The following CDK12 variants were observed in gnomAD, a reference collection of about 807,000 sequenced individuals.
CDK12 encodes cyclin-dependent kinase 12.
Under a neutral mutation model 133.8 loss-of-function variants are expected in CDK12, and 17 were observed. The observed-to-expected ratio is 0.13, with a 90% CI of 0.09 to 0.19. CDK12 has a LOEUF of 0.19. Among genes scored for constraint, CDK12 ranks in the 10% least tolerant of loss-of-function variants. The probability of loss-of-function intolerance (pLI) is 1.00; values close to 1 mark genes in which losing one functional copy is unlikely to be tolerated. For missense variants in CDK12, 1,508 were observed against 1,818.7 expected, an observed-to-expected ratio of 0.83 and a Z score of 3.11; for synonymous variants, 694 against 683.6, an observed-to-expected ratio of 1.02 and a Z score of -0.24.
intron 3 of CDK12, among the ~76,000 whole-genome samples, chr17:39,492,430 G>A (rs1598032609): frequency 1.6e-5 from 2 of 125,556 alleles, no homozygotes; most frequent in African/African-American, 3.0e-5. Context: ...CTTTTTGAGA[G>A]GGTGTCTTGC....
intron 2 of CDK12, among the ~76,000 whole-genome samples, chr17:39,553,888 C>T (rs1326388670): frequency 6.6e-6 from 1 of 152,140 alleles, no homozygotes; most frequent in East Asian, 1.9e-4. Flanking sequence ...ACTCTGAGCT[C>T]TGTGAATGAA....
At chr17:39,508,200 G>A (rs994694036) in intron 6 of CDK12, among the ~76,000 whole-genome samples, 2 of 152,070 alleles carry the variant, frequency 1.3e-5, no homozygotes, top group African/African-American at 4.8e-5. Context: ...TGCTTCAGAC[G>A]GCGGGGGGAG....
chr17:39,525,605 A>G (rs1186844410), intron 12 of CDK12, among the ~76,000 whole-genome samples: 1 of 152,222 alleles, frequency 6.6e-6, no homozygotes, highest in Non-Finnish European at 1.5e-5. Flanking sequence ...TGAAAATCAC[A>G]GAACTTGAAA....
In CDK12 at chr17:39,461,874, C is replaced by T. The variant is rs1267902018; in HGVS notation, c.-198C>T. ...CGAGGAACTCTCATTTCTTCCCTCG[C>T]TCCTTCACCCCCCACCTCATGTAGA... is the stretch of plus-strand genomic sequence containing the variant. On this transcript the variant is annotated 5_prime_UTR_variant, in exon 1 of 14. Transcript: ENST00000447079. 8.4e-6 allele frequency: 5 copies of T among 592,410 alleles called. No individual in the cohort carries two copies. Among genetic ancestry groups the T allele is most frequent in the South Asian group, 2.1e-5 (1 of 47,374 alleles). 36.7% of individuals were successfully genotyped at this position (592,410 alleles called of 1,614,324 possible). A position where few individuals can be genotyped will look rare whatever the true frequency, so the allele number is the denominator to read the frequency against.
In CDK12 at chr17:39,475,115, A is replaced by G. The variant is rs1444224765; in HGVS notation, c.1931+3352A>G. On this transcript the variant is annotated intron_variant, in intron 2 of 13. Coordinates refer to ENST00000447079, the MANE Select transcript of CDK12 (RefSeq NM_016507.4). ...CTTCCAAAGTGCTGGGATTACAGGC[A>G]TGAGCCACTGCACCCAACCCAAAAT... is the stretch of plus-strand genomic sequence containing the variant. 3.3e-5 allele frequency among the ~76,000 whole-genome samples: 5 copies of G among 152,168 alleles called. No homozygotes were observed. The East Asian group carries it at 5.8e-4, about 18-fold the overall frequency.
chr17:39,468,125 A>G (rs1385170632), intron 1 of CDK12, among the ~76,000 whole-genome samples: 5 of 151,674 alleles, frequency 3.3e-5, no homozygotes, highest in Admixed American at 2.0e-4. Flanking sequence ...CAAACTCTTG[A>G]TCAGGGTGAT....
At position 39,532,867 on chromosome 17, in the gene CDK12, A is replaced by T; in HGVS notation, c.*1551A>T. The T allele has an allele frequency of 4.3e-6, 1 of 233,016 alleles. No individual in the cohort carries two copies. Among genetic ancestry groups the T allele is most frequent in the Non-Finnish European group, 8.5e-6 (1 of 117,820 alleles). The allele number at this position is 233,016 out of a possible 1,614,324, so 14.4% of individuals were successfully genotyped here. A position where few individuals can be genotyped will look rare whatever the true frequency, so the allele number is the denominator to read the frequency against. On this transcript the variant is annotated 3_prime_UTR_variant, in exon 14 of 14. Transcript: ENST00000447079. Reference sequence around the variant, plus strand: ...TTTCTATGTGAGTACCAGCATATAGAGTGTTTTAAAAACAGATACATGTCA... The same window carrying T: ...TTTCTATGTGAGTACCAGCATATAGTGTGTTTTAAAAACAGATACATGTCA...
At chr17:39,521,101 T>G (rs993337118) in intron 11 of CDK12, among the ~76,000 whole-genome samples, 1 of 152,126 alleles carries the variant, frequency 6.6e-6, no homozygotes, top group Non-Finnish European at 1.5e-5. Flanking sequence ...CACCTCGGCC[T>G]CCCAAAGTGC....
In CDK12 at chr17:39,463,160, T is replaced by G. The variant is rs753018017; in HGVS notation, c.1046+43T>G. ...CAGTCCTTCCTCATTTAGGGTGGGT[T>G]GCGAGGAATTGGCATTCAGCGTGTT... On this transcript the variant is annotated intron_variant, in intron 1 of 13. Coordinates refer to ENST00000447079, the MANE Select transcript of CDK12 (RefSeq NM_016507.4). 5.8e-6 allele frequency: 9 copies of G among 1,540,384 alleles called. 1 individual carries two copies. The South Asian group carries it at 9.3e-5, about 16-fold the overall frequency.
rs2054985075 is a variant in CDK12 at position 39,533,498 on chromosome 17, A to G, written c.*2182A>G. 1 of 233,148 alleles carries G rather than the reference A, an allele frequency of 4.3e-6. No homozygotes were observed. Among genetic ancestry groups the G allele is most frequent in the African/African-American group, 2.2e-5 (1 of 45,358 alleles). 14.4% of individuals were successfully genotyped at this position (233,148 alleles called of 1,614,324 possible). ...TTTCAGAAGTATCTGTTCAATGAAAAAAAGTTGGTTTCCCATCAAATATGA... is the reference window on the plus strand; with the variant it reads ...TTTCAGAAGTATCTGTTCAATGAAAGAAAGTTGGTTTCCCATCAAATATGA... On this transcript the variant is annotated 3_prime_UTR_variant, in exon 14 of 14. Transcript: ENST00000447079.
Position 39,525,951 on chromosome 17 carries a change from C to T in CDK12, c.3395C>T (p.Pro1132Leu). 6.2e-7 allele frequency: 1 copy of T among 1,614,178 alleles called. No individual in the cohort carries two copies. The highest frequency in any genetic ancestry group is 8.5e-7 in the Non-Finnish European group (1 of 1,180,024). ...CAGAGCCAAACCGACCTGAGCATCC[C>T]TCAAATGGCACAGCTGCTTAACATC... ...LLQSQTDLSI[P>L]QMAQLLNIHS... Residue 1132 changes from proline (P) to leucine (L), a missense_variant, in exon 13 of 14, where the codon CCT becomes CTT. By Grantham distance (98) the Pro-to-Leu change is moderately conservative. This residue lies in a region of CDK12 where 399 missense variants were observed against 469.6 expected (regional missense o/e 0.85). Coordinates refer to ENST00000447079, the MANE Select transcript of CDK12 (RefSeq NM_016507.4).
At chr17:39,503,431 TG>T (rs1277205822) in intron 6 of CDK12, among the ~76,000 whole-genome samples, 1 of 152,200 alleles carries the variant, frequency 6.6e-6, no homozygotes, top group Non-Finnish European at 1.5e-5. Flanking sequence ...AAGTTGGAAG[TG>T]GGTGACTCTA....
chr17:39,540,345 A>G (rs535212213), intron 1 of CDK12, among the ~76,000 whole-genome samples: 6 of 152,326 alleles, frequency 3.9e-5, no homozygotes, highest in East Asian at 1.9e-4. Flanking sequence ...GGATGTGTCA[A>G]TGTTCAGTAT....
chr17:39,532,222 T>TG lies in CDK12; in HGVS notation c.*909dup, dbSNP rs1226481399. On this transcript the variant is annotated 3_prime_UTR_variant, in exon 14 of 14. Transcript: ENST00000447079. ...AAAATCGTTGAGATGCCCAAGAACC[T>TG]GGGATAATTCTTTACTTTTTTTGAA... is the stretch of plus-strand genomic sequence containing the variant. The TG allele has an allele frequency of 1.3e-5, 3 of 232,906 alleles. No individual in the cohort carries two copies. The highest frequency in any genetic ancestry group is 6.6e-5 in the African/African-American group (3 of 45,278). 14.4% of individuals were successfully genotyped at this position (232,906 alleles called of 1,614,324 possible).
chr17:39,493,434 G>A (rs6503517), intron 4 of CDK12, among the ~76,000 whole-genome samples: 94,605 of 151,774 alleles, frequency 0.62, 32,641 homozygotes, highest in South Asian at 0.89. Context: ...TCAGCCTCCC[G>A]AGTAGCTGGG....
intron 6 of CDK12, among the ~76,000 whole-genome samples, chr17:39,505,292 C>CAAGGCGTG (rs899955615): frequency 1.1e-4 from 16 of 150,054 alleles, no homozygotes; most frequent in African/African-American, 3.9e-4. Context: ...TTTGGGAGGC[C>CAAGGCGTG]AAGGCGGGCA....
intron 11 of CDK12, among the ~76,000 whole-genome samples, chr17:39,523,536 T>G (rs1335738947): frequency 6.6e-6 from 1 of 152,230 alleles, no homozygotes; most frequent in Non-Finnish European, 1.5e-5. Context: ...TATTATAGCT[T>G]TAATGTCAAA....
intron 2 of CDK12, among the ~76,000 whole-genome samples, chr17:39,481,706 C>T (rs1488814664): frequency 9.1e-5 from 1 of 10,940 alleles, no homozygotes; most frequent in Non-Finnish European, 2.5e-4. Flanking sequence ...CTCTCTCTCT[C>T]TCTCTTTCTC....
In CDK12 at chr17:39,526,031, G is replaced by T; in HGVS notation, c.3475G>T (p.Ala1159Ser). Reference protein sequence around the residue: ...QLEALNQSISALTEATSQQQD... With the variant: ...QLEALNQSISSLTEATSQQQD... The stretch of plus-strand genomic sequence containing the variant: ...GGAAGCCCTGAACCAATCCATCAGT[G>T]CCCTGACGGAAGCTACTTCCCAGCA... The change falls in exon 13 of 14, where the codon GCC becomes TCC. Residue 1159 changes from alanine (A) to serine (S), a missense_variant. By Grantham distance (99) the Ala-to-Ser change is moderately conservative. Around this residue, in one of 9 missense-constraint regions of CDK12, gnomAD observed 399 missense variants for 469.6 expected, o/e 0.85. Transcript: ENST00000447079. 1 of 1,614,200 alleles carries T rather than the reference G, an allele frequency of 6.2e-7. No individual in the cohort carries two copies. Among genetic ancestry groups the T allele is most frequent in the Non-Finnish European group, 8.5e-7 (1 of 1,180,036 alleles).
Sources: allele counts gnomAD v4.1 joint callset (sites outside exome capture counted in the v4.1 genomes callset), GRCh38; gene constraint gnomAD v4.1.1; regional missense constraint gnomAD v4.1.1; transcripts MANE v1.5; gene names NCBI Gene and HGNC (gene_info 2026-07-23, HGNC 2026-07-21).